Variants in ARHGAP29 observed in about 807,000 individuals in gnomAD.
ARHGAP29 encodes Rho GTPase activating protein 29.
Under a neutral mutation model 122.6 loss-of-function variants are expected in ARHGAP29, and 43 were observed. That is an observed-to-expected ratio of 0.35 (90% CI 0.27 to 0.45). The LOEUF (loss-of-function observed/expected upper bound fraction) is 0.45, where lower values mean the gene tolerates loss of function less well. ARHGAP29 is among the 20% of genes least tolerant of loss of function. The pLI is 1.00. For missense variants in ARHGAP29, 1,303 were observed against 1,477.2 expected, an observed-to-expected ratio of 0.88 and a Z score of 1.93; for synonymous variants, 506 against 497.1, an observed-to-expected ratio of 1.02 and a Z score of -0.24.
chr1:94,314,323 A>T, the ARHGAP29 span, among the ~76,000 whole-genome samples: 1 of 152,288 alleles, frequency 6.6e-6, no homozygotes, highest in East Asian at 1.9e-4. Flanking sequence ...TCTCAGAGTC[A>T]TTGCATTAGG....
chr1:94,209,385 A>C, intron 3 of ARHGAP29, 35 bp from the exon 4 acceptor site: 1 of 1,359,698 alleles, frequency 7.4e-7, no homozygotes, highest in Admixed American at 2.1e-5. Flanking sequence ...AAGGAAAAAC[A>C]TACTTTAAAC....
the ARHGAP29 span, among the ~76,000 whole-genome samples, chr1:94,282,060 A>G: frequency 6.6e-6 from 1 of 152,240 alleles, no homozygotes. Context: ...TTGGCAGACA[A>G]TCAGAATCAC....
At chr1:94,274,490 A>G (rs150091171) in intron 1 of ARHGAP29, among the ~76,000 whole-genome samples, 26 of 152,366 alleles carry the variant, frequency 1.7e-4, no homozygotes, top group Middle Eastern at 3.4e-3. Flanking sequence ...TACAAAACTT[A>G]TTCCTTCAGC....
intron 2 of ARHGAP29, among the ~76,000 whole-genome samples, chr1:94,226,357 T>A (rs184116560): frequency 6.6e-6 from 1 of 152,070 alleles, no homozygotes; most frequent in East Asian, 1.9e-4. Flanking sequence ...TTTACATATA[T>A]AAACTCATTT....
At chr1:94,250,134 TC>T (rs1290551030) in intron 1 of ARHGAP29, among the ~76,000 whole-genome samples, 1 of 152,162 alleles carries the variant, frequency 6.6e-6, no homozygotes, top group Non-Finnish European at 1.5e-5. Context: ...AAGGGACTGA[TC>T]ACAAGTGTGC....
upstream of ARHGAP29, among the ~76,000 whole-genome samples, chr1:94,277,977 T>G (rs1655244236): frequency 6.6e-6 from 1 of 151,998 alleles, no homozygotes; most frequent in Admixed American, 6.6e-5. Flanking sequence ...CTCAGTAGCT[T>G]TGGATTATCT....
chr1:94,312,216 C>A, the ARHGAP29 span, among the ~76,000 whole-genome samples: 1 of 152,094 alleles, frequency 6.6e-6, no homozygotes, highest in East Asian at 1.9e-4. Context: ...CTTCCACATC[C>A]CCCTAACTCC....
intron 1 of ARHGAP29, among the ~76,000 whole-genome samples, chr1:94,259,519 C>T (rs1308625264): frequency 6.6e-6 from 1 of 152,100 alleles, no homozygotes; most frequent in Admixed American, 6.5e-5. Flanking sequence ...GGGACTTAAT[C>T]CAGTGACTGT....
chr1:94,225,785 T>C (rs1652580442), intron 2 of ARHGAP29, among the ~76,000 whole-genome samples: 1 of 152,106 alleles, frequency 6.6e-6, no homozygotes, highest in African/African-American at 2.4e-5. Flanking sequence ...TAAAAAGTTA[T>C]TACAGATGTG....
chr1:94,216,847 A>C (rs1171299251), intron 3 of ARHGAP29, among the ~76,000 whole-genome samples: 1 of 152,330 alleles, frequency 6.6e-6, no homozygotes, highest in South Asian at 2.1e-4. Context: ...AATAGGCTAT[A>C]TCTCTCTTAC....
Position 94,174,291 on chromosome 1 carries a change from T to C in ARHGAP29, c.3364A>G (p.Thr1122Ala), listed in dbSNP as rs1648944105. 1 of 1,614,128 alleles carries C rather than the reference T, an allele frequency of 6.2e-7. No homozygotes were observed. Among genetic ancestry groups the C allele is most frequent in the Non-Finnish European group, 8.5e-7 (1 of 1,180,008 alleles). ...QISGDHSINA[T>A]QPSKPYAEPV... is the part of the protein sequence containing the mutation. ...TCTGCATATGGCTTACTGGGTTGAG[T>C]GGCATTGATAGAATGGTCCCCACTA... is the stretch of plus-strand genomic sequence containing the variant. Residue 1122 changes from threonine to alanine, a missense_variant, in exon 23 of 23, where the codon ACT (threonine) becomes GCT (alanine). Thr to Ala is a moderately conservative substitution (Grantham distance 58). Around this residue, in one of 3 missense-constraint regions of ARHGAP29, gnomAD observed 620 missense variants for 651.2 expected, o/e 0.95. Coordinates refer to ENST00000260526, the MANE Select transcript of ARHGAP29 (RefSeq NM_004815.4).
intron 12 of ARHGAP29, among the ~76,000 whole-genome samples, chr1:94,200,790 T>C (rs1291323405): frequency 6.6e-6 from 1 of 152,194 alleles, no homozygotes; most frequent in Non-Finnish European, 1.5e-5. Context: ...AAAGGTTATA[T>C]ACTATATGAT....
chr1:94,270,164 G>A (rs115076083), intron 1 of ARHGAP29, among the ~76,000 whole-genome samples: 2,451 of 152,292 alleles, frequency 0.016, 25 homozygotes, highest in Non-Finnish European at 0.022. Context: ...GGAGACCTTG[G>A]TCAGATACAT....
At position 94,253,313 on chromosome 1, in the gene ARHGAP29, G is replaced by A. The variant is rs182282037; in HGVS notation, c.-32-21670C>T. ...AGGAAATCCCAGCCCAGCTTTCCCC[G>A]GGCTTACAGTTAGTCACTGGCCTGA... On this transcript the variant is annotated intron_variant and NMD_transcript_variant, in intron 1 of 25. Coordinates refer to the ARHGAP29 transcript ENST00000552844. 1.4e-3 allele frequency among the ~76,000 whole-genome samples: 220 copies of A among 152,090 alleles called. 1 individual carries two copies. Among genetic ancestry groups the A allele is most frequent in the Middle Eastern group, 0.01 (3 of 294 alleles).
At chr1:94,189,430 GA>G (rs1198441154) in intron 13 of ARHGAP29, 78 bp from the exon 14 acceptor site, 11 of 1,401,632 alleles carry the variant, frequency 7.8e-6, no homozygotes, top group Non-Finnish European at 1.0e-5. Context: ...TCTATGTTTA[GA>G]AAAATCTATT....
In ARHGAP29 at chr1:94,171,702, A is replaced by C. The variant is rs1343066102; in HGVS notation, c.*2167T>G. 6.6e-6 allele frequency: 1 copy of C among 150,506 alleles called. No individual in the cohort carries two copies. Among genetic ancestry groups the C allele is most frequent in the African/African-American group, 2.5e-5 (1 of 39,806 alleles). The allele number at this position is 150,506 out of a possible 1,614,324, so 9.3% of individuals were successfully genotyped here. On this transcript the variant is annotated 3_prime_UTR_variant, in exon 23 of 23. Transcript: ENST00000260526. Reference sequence around the variant, plus strand: ...AGGCTTAAGGCTCTACGCTGGACAAAGTGCCAGGGAGCCCTAAAGGCAGAA... The same window carrying C: ...AGGCTTAAGGCTCTACGCTGGACAACGTGCCAGGGAGCCCTAAAGGCAGAA...
intron 1 of ARHGAP29, among the ~76,000 whole-genome samples, chr1:94,265,126 C>A (rs1445040792): frequency 6.6e-6 from 1 of 152,242 alleles, no homozygotes; most frequent in Admixed American, 6.5e-5. Flanking sequence ...CCCCAGACAT[C>A]CCAGCCCTTC....
At chr1:94,223,312 G>C (rs1215064247) in intron 2 of ARHGAP29, among the ~76,000 whole-genome samples, 1 of 152,150 alleles carries the variant, frequency 6.6e-6, no homozygotes, top group Non-Finnish European at 1.5e-5. Flanking sequence ...ATACAGTATA[G>C]TGTTGAAAAG....
intron 1 of ARHGAP29, among the ~76,000 whole-genome samples, chr1:94,242,841 A>G (rs1653651489): frequency 6.6e-6 from 1 of 152,076 alleles, no homozygotes; most frequent in Non-Finnish European, 1.5e-5. Flanking sequence ...ATATAATGAC[A>G]CAGATACATG....
Sources: allele counts gnomAD v4.1 joint callset (sites outside exome capture counted in the v4.1 genomes callset), GRCh38; gene constraint gnomAD v4.1.1; regional missense constraint gnomAD v4.1.1; transcripts MANE v1.5; gene names NCBI Gene and HGNC (gene_info 2026-07-23, HGNC 2026-07-21).